Variants in RAPGEF1 observed in about 807,000 individuals in gnomAD.
The protein encoded by RAPGEF1 is Rap guanine nucleotide exchange factor 1, also known as CRK SH3-binding GNRP.
RAPGEF1 carries 33 observed loss-of-function variants against 143.3 expected under a neutral mutation model. That is an observed-to-expected ratio of 0.23 (90% confidence interval 0.17 to 0.31). The LOEUF (loss-of-function observed/expected upper bound fraction) is 0.31. RAPGEF1 is among the 10% of genes least tolerant of loss of function. RAPGEF1 has a pLI of 1.00. For synonymous variants in RAPGEF1, 629 were observed against 676.5 expected, an observed-to-expected ratio of 0.93 and a Z score of 1.09; for missense variants, 1,199 against 1,645.4, an observed-to-expected ratio of 0.73 and a Z score of 4.69.
At chr9:131,709,148 A>G (rs919201441) in intron 1 of RAPGEF1, among the ~76,000 whole-genome samples, 2 of 152,152 alleles carry the variant, frequency 1.3e-5, no homozygotes, top group African/African-American at 4.8e-5. Context: ...GGAGTTCAAG[A>G]CCAGCCTGGC....
chr9:131,619,299 C>T lies in RAPGEF1; in HGVS notation c.1906-93G>A. 4 of 1,084,892 alleles carry T rather than the reference C, an allele frequency of 3.7e-6. No homozygotes were observed. The South Asian group carries it at 5.7e-5, about 15-fold the overall frequency. The allele number at this position is 1,084,892 out of a possible 1,614,324, so 67.2% of individuals were successfully genotyped here. A position where few individuals can be genotyped will look rare whatever the true frequency, so the allele number is the denominator to read the frequency against. ...GTGCAGGGAAAGGCCGTGGAGGTTG[C>T]TCTCCACATCCTCTAACAGACGTTC... On this transcript the variant is annotated intron_variant, in intron 11 of 26. Coordinates refer to ENST00000683357, the MANE Select transcript of RAPGEF1 (RefSeq NM_001377935.1).
chr9:131,604,323 G>C (rs1956759412), intron 13 of RAPGEF1, among the ~76,000 whole-genome samples: 1 of 152,224 alleles, frequency 6.6e-6, no homozygotes, highest in Admixed American at 6.5e-5. Context: ...AACGATTATG[G>C]AGGGAGAGAA....
At position 131,583,439 on chromosome 9, in the gene RAPGEF1, C is replaced by T. The variant is rs1481820089; in HGVS notation, c.3415-737G>A. ...GGTCTCTGACATGACCCCTGGGTGG[C>T]CTGGGTCACACTCGGGTTCCTGACA... On this transcript the variant is annotated intron_variant, in intron 24 of 26. Transcript: ENST00000683357. This position sits in a 1 kb window ranked among gnomAD's most constrained non-coding sequence, Gnocchi z 4.7. Among the ~76,000 whole-genome samples, 6 of 151,314 alleles carry T rather than the reference C, an allele frequency of 4.0e-5. No individual in the cohort carries two copies. The highest frequency in any genetic ancestry group is 3.9e-4 in the Admixed American group (6 of 15,206).
At chr9:131,694,013 A>T (rs934522128) in intron 1 of RAPGEF1, among the ~76,000 whole-genome samples, 2 of 151,970 alleles carry the variant, frequency 1.3e-5, no homozygotes, top group Non-Finnish European at 2.9e-5. Context: ...AAGTGTTCTT[A>T]AACTCAAGGC....
Position 131,621,864 on chromosome 9 carries a change from A to G in RAPGEF1, c.1837T>C (p.Phe613Leu). 3 of 1,612,500 alleles carry G rather than the reference A, an allele frequency of 1.9e-6. No homozygotes were observed. The highest frequency in any genetic ancestry group is 2.7e-5 in the African/African-American group (2 of 75,006). Residue 613 changes from phenylalanine (F) to leucine (L), a missense_variant, in exon 11 of 27, where the codon TTC becomes CTC. By Grantham distance (22) the Phe-to-Leu change is conservative. Around this residue, in one of 6 missense-constraint regions of RAPGEF1, gnomAD observed 293 missense variants for 356.2 expected, o/e 0.82. Coordinates refer to ENST00000683357, the MANE Select transcript of RAPGEF1 (RefSeq NM_001377935.1). This position sits in a 1 kb window ranked among gnomAD's most constrained non-coding sequence, Gnocchi z 4.5. ...TCCTGCACGGAGTCCACCCCACTGA[A>G]GGAGTCGCTGAAGCCGTATACCTCC... ...LMEVYGFSDS[F>L]SGVDSVQELA...
chr9:131,624,924 G>A (rs984672587), intron 10 of RAPGEF1, among the ~76,000 whole-genome samples: 1 of 152,220 alleles, frequency 6.6e-6, no homozygotes, highest in Non-Finnish European at 1.5e-5. Context: ...TGACATCATC[G>A]CAGCCGCCGC....
At chr9:131,586,371 CA>C (rs1325229907) in intron 22 of RAPGEF1, among the ~76,000 whole-genome samples, 4 of 127,268 alleles carry the variant, frequency 3.1e-5, no homozygotes, top group African/African-American at 9.2e-5. Flanking sequence ...CACACACACA[CA>C]CCCACCTGCA....
At chr9:131,680,236 T>C (rs919518285) in intron 1 of RAPGEF1, among the ~76,000 whole-genome samples, 1 of 152,248 alleles carries the variant, frequency 6.6e-6, no homozygotes, top group Admixed American at 6.5e-5. Flanking sequence ...TGACAACTCA[T>C]TGTCTTACCA....
rs34279999 is a variant in RAPGEF1, at chr9:131,605,763, C to CT, written c.2062-576dup. ...ACCCCATTTTTTTCTTTCTTTCTTT[C>CT]TTTTTTTTTTTTTTTAACAAATGAA... is the stretch of plus-strand genomic sequence containing the variant. On this transcript the variant is annotated intron_variant, in intron 12 of 26. Transcript: ENST00000683357. Among the ~76,000 whole-genome samples, 174 of 143,324 alleles carry CT rather than the reference C, an allele frequency of 1.2e-3. 1 individual carries two copies. The highest frequency in any genetic ancestry group is 6.4e-3 in the East Asian group (32 of 4,962). 94.0% of individuals were successfully genotyped at this position (143,324 alleles called of 152,430 possible).
At chr9:131,652,305 C>T (rs1971268207) in intron 1 of RAPGEF1, among the ~76,000 whole-genome samples, 1 of 152,034 alleles carries the variant, frequency 6.6e-6, no homozygotes, top group Non-Finnish European at 1.5e-5. Context: ...GACTAGAGTG[C>T]AGTGGTGTGA....
intron 10 of RAPGEF1, 127 bp from the exon 11 acceptor site, chr9:131,622,125 C>T (rs577608748): frequency 1.0e-5 from 9 of 877,368 alleles, no homozygotes; most frequent in East Asian, 5.3e-5. Context: ...GACGAACAGA[C>T]GGAGCACGGA....
intron 12 of RAPGEF1, among the ~76,000 whole-genome samples, chr9:131,607,834 G>C (rs930495141): frequency 6.6e-6 from 1 of 152,174 alleles, no homozygotes; most frequent in Non-Finnish European, 1.5e-5. Flanking sequence ...GTGCTTCCAC[G>C]TGCCCTGCAA....
intron 1 of RAPGEF1, among the ~76,000 whole-genome samples, chr9:131,716,118 A>G (rs1459761404): frequency 6.6e-6 from 1 of 152,156 alleles, no homozygotes; most frequent in Non-Finnish European, 1.5e-5. Flanking sequence ...GGCTGCTTCT[A>G]TCCAGGCAGG....
rs1962875602 is a variant in RAPGEF1 at position 131,625,924 on chromosome 9, T to C, written c.1700A>G (p.His567Arg). The C allele has an allele frequency of 6.4e-7, 1 of 1,562,034 alleles. No homozygotes were observed. The highest frequency in any genetic ancestry group is 8.7e-7 in the Non-Finnish European group (1 of 1,148,578). ...ACAACAGTGCAACAAAGGCTTACTG[T>C]GTTTGTTTTTCTTCTCTGGTAGAGG... ...PPPLPEKKNK[H>R]MLAYMQLLED... The change falls in exon 10 of 27, where the codon CAC (histidine) becomes CGC (arginine). Residue 567 changes from histidine to arginine, a missense_variant and splice_region_variant. This residue lies in a region of RAPGEF1 where 16 missense variants were observed against 52.7 expected (regional missense o/e 0.30). Transcript: ENST00000683357.
chr9:131,633,292 G>A (rs368096938), intron 5 of RAPGEF1, among the ~76,000 whole-genome samples: 19 of 152,174 alleles, frequency 1.2e-4, no homozygotes, highest in African/African-American at 2.2e-4. Context: ...GCACCCTACC[G>A]CCTGGAGGAG....
chr9:131,629,707 CTCTAA>C (rs1964323175), intron 6 of RAPGEF1, among the ~76,000 whole-genome samples: 2 of 152,094 alleles, frequency 1.3e-5, no homozygotes, highest in African/African-American at 4.8e-5. Context: ...AAGAGAATTG[CTCTAA>C]TCTGAGAGGA....
intron 1 of RAPGEF1, among the ~76,000 whole-genome samples, chr9:131,715,897 A>T (rs186884803): frequency 1.3e-5 from 2 of 150,976 alleles, no homozygotes; most frequent in African/African-American, 4.9e-5. Flanking sequence ...GTTAAGAACT[A>T]CTGATCTAGC....
intron 12 of RAPGEF1, among the ~76,000 whole-genome samples, chr9:131,615,300 T>TC (rs1218695113): frequency 6.6e-6 from 1 of 152,228 alleles, no homozygotes; most frequent in Non-Finnish European, 1.5e-5. Flanking sequence ...GGTCTTGATT[T>TC]CCTGACCTCG....
chr9:131,650,762 A>T lies in RAPGEF1; in HGVS notation c.201+48T>A. 6.2e-7 allele frequency: 1 copy of T among 1,600,424 alleles called. No homozygotes were observed. The highest frequency in any genetic ancestry group is 8.5e-7 in the Non-Finnish European group (1 of 1,173,706). On this transcript the variant is annotated intron_variant, in intron 2 of 26. Coordinates refer to ENST00000683357, the MANE Select transcript of RAPGEF1 (RefSeq NM_001377935.1). This position sits in a 1 kb window ranked among gnomAD's most constrained non-coding sequence, Gnocchi z 4.7. ...GAACATACAAATCGCACAAACTCATATTGCTGGAAGCAGGTGAGGCCAGGA... is the reference window on the plus strand; with the variant it reads ...GAACATACAAATCGCACAAACTCATTTTGCTGGAAGCAGGTGAGGCCAGGA...
Sources: gnomAD v4.1 joint callset for allele counts (sites outside exome capture counted in the v4.1 genomes callset) on GRCh38, gnomAD v4.1.1 for gene constraint, gnomAD v4.1.1 regional missense constraint, Gnocchi (gnomAD v3.1) non-coding constraint, MANE v1.5 for transcripts, NCBI Gene and HGNC (gene_info 2026-07-23, HGNC 2026-07-21) for gene names.